Variants in CUX2 observed in about 807,000 individuals in gnomAD.
CUX2 encodes cut like homeobox 2.
In CUX2, 40 loss-of-function variants were observed where a neutral mutation model predicts 144.8. The observed-to-expected ratio is 0.28, with a 90% CI of 0.21 to 0.36. The LOEUF (loss-of-function observed/expected upper bound fraction) is 0.36. CUX2 is among the 10% of genes least tolerant of loss of function. CUX2 has a pLI of 1.00. For synonymous variants in CUX2, 827 were observed against 875.6 expected, an observed-to-expected ratio of 0.94 and a Z score of 0.98; for missense variants, 1,615 against 1,994.0, an observed-to-expected ratio of 0.81 and a Z score of 3.62.
At chr12:111,267,603 C>G (rs1036158543) in intron 4 of CUX2, among the ~76,000 whole-genome samples, 1 of 152,260 alleles carries the variant, frequency 6.6e-6, no homozygotes, top group Middle Eastern at 3.4e-3. Flanking sequence ...ACCATGGATG[C>G]CTTAAAACAA....
At chr12:111,276,472 T>G (rs1462255602) in intron 4 of CUX2, among the ~76,000 whole-genome samples, 2 of 152,182 alleles carry the variant, frequency 1.3e-5, no homozygotes, top group Admixed American at 1.3e-4. Context: ...GTCTGGCATT[T>G]GGGTCGCATT....
intron 19 of CUX2, among the ~76,000 whole-genome samples, chr12:111,336,002 A>G (rs886173200): frequency 6.6e-6 from 1 of 152,100 alleles, no homozygotes; most frequent in Non-Finnish European, 1.5e-5. Context: ...ACCCTGTGTG[A>G]GGCATCTGGC....
rs1460692197 is a variant in CUX2 at position 111,312,176 on chromosome 12, G to A, written c.1977G>A (p.Lys659=). The change falls in exon 16 of 22, where the codon AAG becomes AAA. Residue 659 remains lysine (K), a synonymous_variant. Coordinates refer to ENST00000261726, the MANE Select transcript of CUX2 (RefSeq NM_015267.4). The surrounding 1 kb of genome is among the most constrained non-coding windows in gnomAD (Gnocchi z 4.3). ...DAIKSILEQA[K]KEIESQKGGE... ...TCAAGAGCATTCTAGAGCAGGCCAA[G>A]AAGGAGATCGAGTCGCAGAAGGGCG... 3 of 1,610,634 alleles carry A rather than the reference G, an allele frequency of 1.9e-6. No homozygotes were observed. The highest frequency in any genetic ancestry group is 2.7e-5 in the African/African-American group (2 of 74,866).
intron 21 of CUX2, among the ~76,000 whole-genome samples, chr12:111,346,221 A>G (rs1450218183): frequency 6.6e-6 from 1 of 150,992 alleles, no homozygotes; most frequent in Non-Finnish European, 1.5e-5. Flanking sequence ...CACACCTGTA[A>G]TCCCAACACT....
chr12:111,249,443 TTG>T (rs1366729121), intron 3 of CUX2, among the ~76,000 whole-genome samples: 12 of 125,936 alleles, frequency 9.5e-5, no homozygotes, highest in South Asian at 2.3e-4. Context: ...GACCCTTTTT[TTG>T]TTTTTTTTTT....
intron 3 of CUX2, among the ~76,000 whole-genome samples, chr12:111,234,497 T>G (rs1233300876): frequency 6.6e-6 from 1 of 152,098 alleles, no homozygotes; most frequent in Admixed American, 6.5e-5. Flanking sequence ...TAGGAACAAA[T>G]GTCCCAGGTG....
intron 1 of CUX2, among the ~76,000 whole-genome samples, chr12:111,079,433 C>G (rs1185701037): frequency 1.3e-5 from 2 of 152,174 alleles, no homozygotes; most frequent in Admixed American, 6.5e-5. Flanking sequence ...GAGGCTCAGG[C>G]AGGGGCAGTC....
Position 111,035,943 on chromosome 12 carries a change from G to A in CUX2, c.63+1703G>A, listed in dbSNP as rs373753392. Among the ~76,000 whole-genome samples, 2 of 152,164 alleles carry A rather than the reference G, an allele frequency of 1.3e-5. No homozygotes were observed. The highest frequency in any genetic ancestry group is 4.8e-5 in the African/African-American group (2 of 41,444). On this transcript the variant is annotated intron_variant, in intron 1 of 21. Transcript: ENST00000261726. The surrounding 1 kb of genome is among the most constrained non-coding windows in gnomAD (Gnocchi z 6.0). ...TAAAGTGGCCTTTCTGGAAGAGTGGGGGTTATGGAGGCAGAGAGAGAGAGA... is the reference window on the plus strand; with the variant it reads ...TAAAGTGGCCTTTCTGGAAGAGTGGAGGTTATGGAGGCAGAGAGAGAGAGA...
At chr12:111,064,227 G>A (rs1202379210) in intron 1 of CUX2, among the ~76,000 whole-genome samples, 3 of 152,192 alleles carry the variant, frequency 2.0e-5, no homozygotes, top group African/African-American at 7.2e-5. Context: ...AGCAGGAGGC[G>A]ATGTGGCAGG....
chr12:111,315,880 C>T (rs2136387537), intron 16 of CUX2, among the ~76,000 whole-genome samples: 1 of 152,176 alleles, frequency 6.6e-6, no homozygotes, highest in East Asian at 1.9e-4. Flanking sequence ...AAAAAAAACA[C>T]TCATGTTGAT....
At position 111,320,274 on chromosome 12, in the gene CUX2, G is replaced by T; in HGVS notation, c.2265G>T (p.Ala755=). 6.3e-7 allele frequency: 1 copy of T among 1,594,292 alleles called. No homozygotes were observed. The highest frequency in any genetic ancestry group is 1.3e-5 in the African/African-American group (1 of 74,592). Reference sequence around the variant, plus strand: ...AGGAGGAGGGCAGCGGGGGCCCCGCGCAGGCGCCGCTCCCGGTCCTGTCCC... The same window carrying T: ...AGGAGGAGGGCAGCGGGGGCCCCGCTCAGGCGCCGCTCCCGGTCCTGTCCC... ...VKQEEGSGGP[A]QAPLPVLSPA... The change falls in exon 17 of 22, where the codon GCG becomes GCT. Residue 755 remains alanine, a synonymous_variant. Coordinates refer to ENST00000261726, the MANE Select transcript of CUX2 (RefSeq NM_015267.4). The surrounding 1 kb of genome is among the most constrained non-coding windows in gnomAD (Gnocchi z 8.1).
intron 18 of CUX2, among the ~76,000 whole-genome samples, chr12:111,330,739 ATATATAT>A (rs1888085625): frequency 1.0e-5 from 1 of 98,006 alleles, no homozygotes; most frequent in Non-Finnish European, 2.3e-5. Context: ...ATATATATAT[ATATATAT>A]ATATAAAGAG....
At chr12:111,162,767 C>CA (rs1429048940) in intron 1 of CUX2, among the ~76,000 whole-genome samples, 8 of 152,186 alleles carry the variant, frequency 5.3e-5, no homozygotes, top group African/African-American at 1.9e-4. Context: ...GGGTAAGGGC[C>CA]AGGTGTGGTG....
intron 1 of CUX2, among the ~76,000 whole-genome samples, chr12:111,107,542 G>A (rs956402844): frequency 5.3e-5 from 8 of 152,252 alleles, no homozygotes; most frequent in Admixed American, 2.0e-4. Context: ...AGTTCCCACC[G>A]TATTCTGTTC....
intron 1 of CUX2, among the ~76,000 whole-genome samples, chr12:111,159,240 G>A (rs986499578): frequency 2.6e-5 from 4 of 152,124 alleles, no homozygotes; most frequent in African/African-American, 4.8e-5. Flanking sequence ...CCAGCCACCT[G>A]GGCTCAAGTC....
chr12:111,320,516 A>G lies in CUX2; in HGVS notation c.2507A>G (p.Asp836Gly). The G allele has an allele frequency of 1.3e-6, 2 of 1,572,524 alleles. No individual in the cohort carries two copies. Among genetic ancestry groups the G allele is most frequent in the Non-Finnish European group, 1.7e-6 (2 of 1,165,612 alleles). Reference sequence around the variant, plus strand: ...GACGAGGCCCCTGTGCCCCCCGAGGACGAGGCGGCGGCAGGGGCGGAGGAC... The same window carrying G: ...GACGAGGCCCCTGTGCCCCCCGAGGGCGAGGCGGCGGCAGGGGCGGAGGAC... ...RGDEAPVPPE[D>G]EAAAGAEDEP... Residue 836 changes from aspartate to glycine, a missense_variant, in exon 17 of 22, where the codon GAC becomes GGC. Asp to Gly is a moderately conservative substitution (Grantham distance 94, BLOSUM62 -1). Around this residue, in one of 12 missense-constraint regions of CUX2, gnomAD observed 390 missense variants for 387.1 expected, o/e 1.01. Transcript: ENST00000261726. The surrounding 1 kb of genome is among the most constrained non-coding windows in gnomAD (Gnocchi z 8.1).
At chr12:111,274,274 C>T (rs1884759182) in intron 4 of CUX2, among the ~76,000 whole-genome samples, 1 of 152,118 alleles carries the variant, frequency 6.6e-6, no homozygotes, top group Non-Finnish European at 1.5e-5. Context: ...TGAGTCCTGG[C>T]TGTGCTATTC....
At chr12:111,202,161 C>T (rs994626851) in intron 1 of CUX2, among the ~76,000 whole-genome samples, 6 of 152,282 alleles carry the variant, frequency 3.9e-5, no homozygotes, top group Admixed American at 3.3e-4. Flanking sequence ...GGATCCCTTT[C>T]CCCTGCCCCC....
At chr12:111,067,313 C>T (rs1871060674) in intron 1 of CUX2, among the ~76,000 whole-genome samples, 1 of 152,162 alleles carries the variant, frequency 6.6e-6, no homozygotes, top group Admixed American at 6.5e-5. Flanking sequence ...GAGCAGGTCT[C>T]TGTTGTCCCT....
Sources: gnomAD v4.1 joint callset for allele counts (sites outside exome capture counted in the v4.1 genomes callset) on GRCh38, gnomAD v4.1.1 for gene constraint, gnomAD v4.1.1 regional missense constraint, Gnocchi (gnomAD v3.1) non-coding constraint, MANE v1.5 for transcripts, NCBI Gene and HGNC (gene_info 2026-07-23, HGNC 2026-07-21) for gene names.